RBMS3: variants seen among roughly 807,000 people sequenced by gnomAD.
RBMS3 encodes RNA binding motif single stranded interacting protein 3, also known as RNA-binding motif, single-stranded-interacting protein 3.
A neutral mutation model predicts 66.8 loss-of-function variants in RBMS3; 27 were observed. The observed-to-expected ratio is 0.40, with a 90% CI of 0.30 to 0.56. The LOEUF (loss-of-function observed/expected upper bound fraction) is 0.56. Among genes scored for constraint, RBMS3 ranks in the 20% least tolerant of loss-of-function variants. The pLI is 0.40. For missense variants in RBMS3, 513 were observed against 549.5 expected (o/e 0.93, Z 0.66); for synonymous variants, 188 against 183.0 (o/e 1.03, Z -0.22).
chr3:29,823,712 C>T (rs966637226), intron 6 of RBMS3, among the ~76,000 whole-genome samples: 1 of 152,062 alleles, frequency 6.6e-6, no homozygotes, highest in Non-Finnish European at 1.5e-5. Flanking sequence ...TTAGTGGCTA[C>T]TATATTAGAC....
chr3:29,318,417 T>C (rs2125484109), intron 1 of RBMS3, among the ~76,000 whole-genome samples: 1 of 151,984 alleles, frequency 6.6e-6, no homozygotes, highest in Middle Eastern at 3.4e-3. Context: ...GAGTCAGATG[T>C]ACTGCGTAAG....
At chr3:29,460,127 G>A (rs2042324848) in intron 2 of RBMS3, among the ~76,000 whole-genome samples, 1 of 152,176 alleles carries the variant, frequency 6.6e-6, no homozygotes, top group African/African-American at 2.4e-5. Flanking sequence ...CAAGGTAATT[G>A]TTAGTGACTT....
chr3:29,998,460 C>CA, intron 14 of RBMS3, among the ~76,000 whole-genome samples: 1 of 152,136 alleles, frequency 6.6e-6, no homozygotes, highest in Non-Finnish European at 1.5e-5. Context: ...ATCGCCAAGT[C>CA]AATCCTAAGC....
intron 6 of RBMS3, among the ~76,000 whole-genome samples, chr3:29,839,933 T>C (rs1576962901): frequency 6.6e-6 from 1 of 152,072 alleles, no homozygotes. Context: ...AAAAATTTTA[T>C]CTATAACATT....
At chr3:29,527,181 T>TTAAAAAAAAAAAAAAAAAAAAAAAAAAAA (rs1491567884) in intron 3 of RBMS3, among the ~76,000 whole-genome samples, 10 of 87,820 alleles carry the variant, frequency 1.1e-4, no homozygotes, top group African/African-American at 3.3e-4. Flanking sequence ...TTAGGTAGAG[T>TTAAAAAAAAAAAAAAAAAAAAAAAAAAAA]AAAAAAAAAA....
intron 2 of RBMS3, among the ~76,000 whole-genome samples, chr3:29,438,585 A>G (rs1379858956): frequency 6.6e-6 from 1 of 152,236 alleles, no homozygotes; most frequent in Non-Finnish European, 1.5e-5. Context: ...ACTGAAGAAC[A>G]ATAAATATAA....
chr3:29,905,869 T>C (rs1413720676), intron 10 of RBMS3, among the ~76,000 whole-genome samples: 1 of 152,158 alleles, frequency 6.6e-6, no homozygotes, highest in African/African-American at 2.4e-5. Context: ...TTGGGGAAAC[T>C]TGCCTTATAA....
chr3:29,290,562 A>C (rs989554030), intron 1 of RBMS3: 2 of 151,996 alleles, frequency 1.3e-5, no homozygotes, highest in African/African-American at 4.8e-5. Context: ...AGAAATAAGA[A>C]TATTGCATTT....
At chr3:29,912,725 T>TGTAA (rs2060546675) in intron 10 of RBMS3, among the ~76,000 whole-genome samples, 1 of 152,052 alleles carries the variant, frequency 6.6e-6, no homozygotes, top group Non-Finnish European at 1.5e-5. Context: ...TCTTCAGGTA[T>TGTAA]GTAAGTTTCT....
intron 5 of RBMS3, among the ~76,000 whole-genome samples, chr3:29,760,131 A>G (rs929969947): frequency 6.6e-6 from 1 of 152,110 alleles, no homozygotes; most frequent in Non-Finnish European, 1.5e-5. Context: ...CTTAGAATGC[A>G]GAAGGGAGGA....
intron 8 of RBMS3, among the ~76,000 whole-genome samples, chr3:29,884,884 C>T (rs1165285114): frequency 6.6e-6 from 1 of 151,838 alleles, no homozygotes; most frequent in African/African-American, 2.4e-5. Context: ...TGGTTGGTTG[C>T]TTATTTCCTG....
intron 10 of RBMS3, among the ~76,000 whole-genome samples, chr3:29,934,511 C>T (rs138475253): frequency 6.2e-4 from 94 of 152,084 alleles, no homozygotes; most frequent in African/African-American, 2.2e-3. Context: ...ATTCAGGCAG[C>T]AGAAAGAAAA....
At chr3:29,524,315 C>G (rs2044987190) in intron 3 of RBMS3, among the ~76,000 whole-genome samples, 2 of 151,460 alleles carry the variant, frequency 1.3e-5, no homozygotes, top group South Asian at 4.2e-4. Flanking sequence ...TGCAGCTTTT[C>G]CTTATGATGC....
rs376847261 is a variant in RBMS3, at chr3:29,632,111, C to T, written c.399+44906C>T. On this transcript the variant is annotated intron_variant, in intron 4 of 14. Coordinates refer to ENST00000383767, the MANE Select transcript of RBMS3 (RefSeq NM_001003793.3). ...CTGTAGAGCTGCTTCAGTTCAGAGC[C>T]TGGGCATGTGCTTTGATGTGAGTTT... Among the ~76,000 whole-genome samples the T allele has an allele frequency of 9.2e-5, 14 of 151,982 alleles. No homozygotes were observed. In the South Asian group the frequency reaches 2.9e-3, roughly 32 times the overall value.
intron 1 of RBMS3, among the ~76,000 whole-genome samples, chr3:29,296,879 C>CTT (rs11400570): frequency 4.8e-5 from 7 of 147,028 alleles, no homozygotes; most frequent in Admixed American, 1.4e-4. Context: ...AAAAGATGAC[C>CTT]TTTTTTTTTT....
intron 1 of RBMS3, among the ~76,000 whole-genome samples, chr3:29,310,550 C>T (rs1559478684): frequency 6.6e-6 from 1 of 150,900 alleles, no homozygotes; most frequent in Non-Finnish European, 1.5e-5. Context: ...ATTCTAAAAA[C>T]CTTGGTTAAG....
intron 1 of RBMS3, among the ~76,000 whole-genome samples, chr3:29,302,940 G>A (rs566725403): frequency 2.6e-5 from 4 of 151,890 alleles, no homozygotes; most frequent in Admixed American, 6.6e-5. Flanking sequence ...GTTGTGTATC[G>A]ACAAATTAGT....
chr3:29,711,858 C>T (rs1247030283), intron 4 of RBMS3, among the ~76,000 whole-genome samples: 2 of 152,138 alleles, frequency 1.3e-5, no homozygotes, highest in Non-Finnish European at 2.9e-5. Flanking sequence ...TAAAGCAAAC[C>T]AACTACATTA....
At chr3:29,342,213 G>T (rs1430081639) in intron 1 of RBMS3, among the ~76,000 whole-genome samples, 10 of 152,022 alleles carry the variant, frequency 6.6e-5, no homozygotes, top group African/African-American at 2.4e-4. Flanking sequence ...ATGGAAACCT[G>T]GTTTTCTTAC....
Sources: allele counts gnomAD v4.1 joint callset (sites outside exome capture counted in the v4.1 genomes callset), GRCh38; gene constraint gnomAD v4.1.1; transcripts MANE v1.5; gene names NCBI Gene and HGNC (gene_info 2026-07-23, HGNC 2026-07-21).